SYNPO: variants seen among roughly 807,000 people sequenced by gnomAD.
The protein encoded by SYNPO is synaptopodin.
In SYNPO, 19 loss-of-function variants were observed where a neutral mutation model predicts 49.5. The observed-to-expected ratio is 0.38, with a 90% CI of 0.27 to 0.56. SYNPO has a LOEUF of 0.56. Ranked by LOEUF, SYNPO falls within the 20% of genes least tolerant of loss-of-function variation. The probability of loss-of-function intolerance (pLI) is 0.68; values close to 1 mark genes in which losing one functional copy is unlikely to be tolerated. For synonymous variants in SYNPO, 536 were observed against 548.0 expected, an observed-to-expected ratio of 0.98 and a Z score of 0.31; for missense variants, 1,131 against 1,248.3, an observed-to-expected ratio of 0.91 and a Z score of 1.42.
In SYNPO at chr5:150,656,509, C is replaced by T. The variant is rs758139884; in HGVS notation, c.2134C>T (p.Arg712Cys). The T allele has an allele frequency of 4.9e-5, 75 of 1,531,636 alleles. No homozygotes were observed. The South Asian group carries it at 7.2e-4, about 15-fold the overall frequency. 94.9% of individuals were successfully genotyped at this position (1,531,636 alleles called of 1,614,324 possible). Residue 712 changes from arginine to cysteine, a missense_variant, in exon 3 of 3, where the codon CGC (arginine) becomes TGC (cysteine). This residue lies in a region of SYNPO where 509 missense variants were observed against 484.5 expected (regional missense o/e 1.05). Transcript: ENST00000307662. The stretch of plus-strand genomic sequence containing the variant: ...GAGCCCGGGCCCGTGGGAGCCAGGT[C>T]GCGGGAGCAGCATGAGCAGCCCCCC... ...WVSPGPWEPG[R>C]GSSMSSPPPL...
At position 150,652,451 on chromosome 5, in the gene SYNPO, G is replaced by A. The variant is rs1301745930; in HGVS notation, c.2028+2148G>A. On this transcript the variant is annotated intron_variant, in intron 2 of 2. Transcript: ENST00000307662. ...CTGCTCAATTACTGTGTGTGAAAGT[G>A]TGGCTGTGTCCTGCGTGCTGCCTGC... The A allele has an allele frequency of 6.2e-6, 6 of 974,402 alleles. No individual in the cohort carries two copies. The African/African-American group carries it at 7.0e-5, about 11-fold the overall frequency. The allele number at this position is 974,402 out of a possible 1,614,324, so 60.4% of individuals were successfully genotyped here. A position where few individuals can be genotyped will look rare whatever the true frequency, so the allele number is the denominator to read the frequency against.
intron 1 of SYNPO, among the ~76,000 whole-genome samples, chr5:150,645,601 C>T (rs904692428): frequency 1.3e-5 from 2 of 152,178 alleles, no homozygotes; most frequent in African/African-American, 4.8e-5. Flanking sequence ...CCAGACTGAA[C>T]CCCGACCCAT....
intron 2 of SYNPO, chr5:150,624,891 G>A (rs1757300440): frequency 6.1e-6 from 6 of 985,432 alleles, no homozygotes; most frequent in Non-Finnish European, 7.2e-6. Context: ...CTCGGGGACC[G>A]TGCGCAGCGG....
chr5:150,647,840 G>A, intron 1 of SYNPO, 104 bp from the exon 2 acceptor site: 2 of 1,026,810 alleles, frequency 1.9e-6, no homozygotes, highest in East Asian at 2.6e-5. Context: ...AAGAGATCCT[G>A]TGTAGGAAGG....
the SYNPO span, among the ~76,000 whole-genome samples, chr5:150,586,203 A>G: frequency 6.6e-6 from 1 of 152,220 alleles, no homozygotes; most frequent in Non-Finnish European, 1.5e-5. Context: ...GGGAAAGCTC[A>G]TGCTTGACAG....
intron 2 of SYNPO, among the ~76,000 whole-genome samples, chr5:150,621,205 G>A (rs963592087): frequency 1.8e-4 from 28 of 152,066 alleles, no homozygotes; most frequent in Admixed American, 5.9e-4. Context: ...TGCCTGCCTC[G>A]GCCTCCCAAA....
At chr5:150,618,132 C>A in exon 2 of SYNPO, 1 of 487,160 alleles carries the variant, frequency 2.1e-6, no homozygotes, top group Non-Finnish European at 3.5e-6. Context: ...ACACCAGAGA[C>A]GGGTTAAGAA....
chr5:150,656,839 C>G lies in SYNPO; in HGVS notation c.2464C>G (p.Pro822Ala). 1.3e-6 allele frequency: 2 copies of G among 1,548,712 alleles called. No individual in the cohort carries two copies. Among genetic ancestry groups the G allele is most frequent in the Non-Finnish European group, 8.7e-7 (1 of 1,150,814 alleles). Residue 822 changes from proline (P) to alanine (A), a missense_variant, in exon 3 of 3, where the codon CCC becomes GCC. By Grantham distance (27) the Pro-to-Ala change is conservative. This residue lies in a region of SYNPO where 509 missense variants were observed against 484.5 expected (regional missense o/e 1.05). Coordinates refer to ENST00000307662, the MANE Select transcript of SYNPO (RefSeq NM_007286.6). ...SAAVPGAAFA[P>A]IPRSPLPAGP... ...TGCTGTGCCGGGGGCAGCCTTCGCGCCCATCCCGCGGAGCCCGTTGCCCGC... is the reference window on the plus strand; with the variant it reads ...TGCTGTGCCGGGGGCAGCCTTCGCGGCCATCCCGCGGAGCCCGTTGCCCGC...
Position 150,649,817 on chromosome 5 carries a change from C to T in SYNPO, c.1542C>T (p.Ser514=), listed in dbSNP as rs1428587380. 6.2e-7 allele frequency: 1 copy of T among 1,610,490 alleles called. No homozygotes were observed. Among genetic ancestry groups the T allele is most frequent in the East Asian group, 2.2e-5 (1 of 44,876 alleles). ...CCCGCTGCCCATCACCTACCATGTC[C>T]CTGCCTTCCTCCTGGAAATACCCCA... ...ELARCPSPTM[S]LPSSWKYPTN... Residue 514 remains serine, a synonymous_variant, in exon 2 of 3, where the codon TCC becomes TCT. Transcript: ENST00000307662.
chr5:150,655,879 G>T (rs1469001541), intron 2 of SYNPO, among the ~76,000 whole-genome samples: 1 of 152,202 alleles, frequency 6.6e-6, no homozygotes, highest in Non-Finnish European at 1.5e-5. Flanking sequence ...TCGAACTCCT[G>T]ACCTCAGGTG....
In SYNPO at chr5:150,656,779, A is replaced by T; in HGVS notation, c.2404A>T (p.Met802Leu). The T allele has an allele frequency of 1.3e-6, 1 of 787,896 alleles. No homozygotes were observed. Among genetic ancestry groups the T allele is most frequent in the Non-Finnish European group, 1.5e-6 (1 of 652,970 alleles). 48.8% of individuals were successfully genotyped at this position (787,896 alleles called of 1,614,324 possible). Residue 802 changes from methionine (M) to leucine (L), a missense_variant, in exon 3 of 3, where the codon ATG (methionine) becomes TTG (leucine). Met to Leu is a conservative substitution (Grantham distance 15). Around this residue, in one of 4 missense-constraint regions of SYNPO, gnomAD observed 509 missense variants for 484.5 expected, o/e 1.05. Coordinates refer to ENST00000307662, the MANE Select transcript of SYNPO (RefSeq NM_007286.6). ...PPPPPPPPPR[M>L]RSPQPARPGS... ...CCCGCCCCCGCCCCCGCCCCCGCGC[A>T]TGCGCTCGCCACAGCCCGCCCGCCC...
chr5:150,641,967 A>G (rs1328051660), intron 1 of SYNPO, among the ~76,000 whole-genome samples: 3 of 152,198 alleles, frequency 2.0e-5, no homozygotes, highest in Non-Finnish European at 4.4e-5. Context: ...TAGTTAAGAG[A>G]TTAGACTCAG....
rs375476992 is a variant in SYNPO, at chr5:150,650,013, C to A, written c.1738C>A (p.Pro580Thr). 1.2e-6 allele frequency: 2 copies of A among 1,612,526 alleles called. No homozygotes were observed. The highest frequency in any genetic ancestry group is 1.7e-6 in the Non-Finnish European group (2 of 1,179,978). ...CTTTGTCCTCTCACCTATCAAGGAGCCTGCCAAGGTCTCACCAAGAGCTGC... is the reference window on the plus strand; with the variant it reads ...CTTTGTCCTCTCACCTATCAAGGAGACTGCCAAGGTCTCACCAAGAGCTGC... Reference protein sequence around the residue: ...SLFVLSPIKEPAKVSPRAASP... With the variant: ...SLFVLSPIKETAKVSPRAASP... The change falls in exon 2 of 3, where the codon CCT becomes ACT. Residue 580 changes from proline (P) to threonine (T), a missense_variant. Physicochemically the swap from Pro to Thr is conservative, Grantham distance 38. Around this residue, in one of 4 missense-constraint regions of SYNPO, gnomAD observed 509 missense variants for 484.5 expected, o/e 1.05. Coordinates refer to ENST00000307662, the MANE Select transcript of SYNPO (RefSeq NM_007286.6).
chr5:150,648,953 C>G lies in SYNPO; in HGVS notation c.678C>G (p.His226Gln). Reference sequence around the variant, plus strand: ...CCACCAAGGTCTACAGTGAGGTCCACTTCACACTGGCCAAGCCCCCATCAG... The same window carrying G: ...CCACCAAGGTCTACAGTGAGGTCCAGTTCACACTGGCCAAGCCCCCATCAG... Reference protein sequence around the residue: ...TTPTKVYSEVHFTLAKPPSVV... With the variant: ...TTPTKVYSEVQFTLAKPPSVV... Residue 226 changes from histidine to glutamine, a missense_variant, in exon 2 of 3, where the codon CAC becomes CAG. His to Gln is a conservative substitution (Grantham distance 24, BLOSUM62 0). This residue lies in a region of SYNPO where 602 missense variants were observed against 720.7 expected (regional missense o/e 0.84). Transcript: ENST00000307662. This position sits in a 1 kb window ranked among gnomAD's most constrained non-coding sequence, Gnocchi z 5.0. 1 of 1,614,272 alleles carries G rather than the reference C, an allele frequency of 6.2e-7. No homozygotes were observed. The highest frequency in any genetic ancestry group is 8.5e-7 in the Non-Finnish European group (1 of 1,180,050).
At chr5:150,640,135 G>A, upstream of SYNPO, 2 of 985,442 alleles carry the variant, frequency 2.0e-6, no homozygotes, top group Non-Finnish European at 1.2e-6. Context: ...CTGGCATGTG[G>A]TGAGTATACC....
chr5:150,611,758 G>A (rs985260610), intron 1 of SYNPO, among the ~76,000 whole-genome samples: 4 of 152,206 alleles, frequency 2.6e-5, no homozygotes, highest in East Asian at 1.9e-4. Context: ...GATCGGGACC[G>A]TGGGATCATG....
At chr5:150,607,180 G>A (rs2151342083) in intron 1 of SYNPO, among the ~76,000 whole-genome samples, 1 of 152,246 alleles carries the variant, frequency 6.6e-6, no homozygotes, top group Admixed American at 6.5e-5. Context: ...CCTAGGTACA[G>A]GATGTGGGAG....
upstream of SYNPO, chr5:150,640,622 G>C (rs1757869209): frequency 1.0e-6 from 1 of 984,364 alleles, no homozygotes. Flanking sequence ...TGGGGGTGGA[G>C]AGGCCATTTA....
At chr5:150,639,420 C>A (rs1260546692), upstream of SYNPO, among the ~76,000 whole-genome samples, 3 of 152,336 alleles carry the variant, frequency 2.0e-5, no homozygotes, top group Middle Eastern at 6.8e-3. Flanking sequence ...GAGCACTGAT[C>A]TAGGAGTCTG....
Sources: allele counts gnomAD v4.1 joint callset (sites outside exome capture counted in the v4.1 genomes callset), GRCh38; gene constraint gnomAD v4.1.1; regional missense constraint gnomAD v4.1.1; non-coding constraint Gnocchi (gnomAD v3.1); transcripts MANE v1.5; gene names NCBI Gene and HGNC (gene_info 2026-07-23, HGNC 2026-07-21).